Variants in TMEM245 observed in about 807,000 individuals in gnomAD.
The protein encoded by TMEM245 is protein CG-2.
A neutral mutation model predicts 101.2 loss-of-function variants in TMEM245; 69 were observed. The ratio of observed to expected loss-of-function variants is 0.68; its 90% confidence interval spans 0.56 to 0.83. The LOEUF (loss-of-function observed/expected upper bound fraction) is 0.83. Among genes scored for constraint, TMEM245 ranks in the 40% least tolerant of loss-of-function variants. The pLI is 0.00. For missense variants in TMEM245, 1,075 were observed against 1,092.8 expected, an observed-to-expected ratio of 0.98 and a Z score of 0.23; for synonymous variants, 537 against 449.8, an observed-to-expected ratio of 1.19 and a Z score of -2.45.
At chr9:109,107,098 T>C (rs1365088235) in intron 2 of TMEM245, among the ~76,000 whole-genome samples, 1 of 151,918 alleles carries the variant, frequency 6.6e-6, no homozygotes, top group Admixed American at 6.6e-5. Context: ...CAAAAATGTT[T>C]ACAAGTTGGC....
chr9:109,021,823 A>G (rs1827634785), intron 17 of TMEM245, among the ~76,000 whole-genome samples: 1 of 152,124 alleles, frequency 6.6e-6, no homozygotes, highest in African/African-American at 2.4e-5. Context: ...CCCCCCCAAA[A>G]AAAGCAAGGA....
chr9:109,066,417 T>C (rs2132459158), intron 9 of TMEM245, among the ~76,000 whole-genome samples: 1 of 116,598 alleles, frequency 8.6e-6, no homozygotes, highest in Non-Finnish European at 1.6e-5. Flanking sequence ...ATCATACCAC[T>C]ACCCTCCAGC....
chr9:109,111,379 T>C (rs1056779076), intron 1 of TMEM245, among the ~76,000 whole-genome samples: 1 of 152,194 alleles, frequency 6.6e-6, no homozygotes, highest in East Asian at 1.9e-4. Flanking sequence ...ATTTATACAG[T>C]ACCTCCAAGA....
rs191422996 is a variant in TMEM245, at chr9:109,071,174, C to T, written c.1532+2182G>A. Among the ~76,000 whole-genome samples, 10 of 152,222 alleles carry T rather than the reference C, an allele frequency of 6.6e-5. No individual in the cohort carries two copies. The East Asian group carries it at 7.8e-4, about 12-fold the overall frequency. On this transcript the variant is annotated intron_variant, in intron 9 of 17. Coordinates refer to ENST00000374586, the MANE Select transcript of TMEM245 (RefSeq NM_032012.4). ...GGGATTACAGGCGTGAGCCACCCAC[C>T]GCACCTGGCCAACATACTTATTTTG...
intron 7 of TMEM245, among the ~76,000 whole-genome samples, chr9:109,082,219 C>G (rs908036055): frequency 6.6e-6 from 1 of 152,088 alleles, no homozygotes; most frequent in African/African-American, 2.4e-5. Context: ...ACTAAGAGAT[C>G]AATGCTAAAG....
At chr9:109,020,556 C>T (rs1446686650) in intron 17 of TMEM245, 51 bp from the exon 18 acceptor site, 5 of 1,528,600 alleles carry the variant, frequency 3.3e-6, no homozygotes, top group Non-Finnish European at 4.5e-6. Flanking sequence ...AAACAGTATC[C>T]TATTTTTACA....
In TMEM245 at chr9:109,018,266, T is replaced by A. The variant is rs1208663207; in HGVS notation, c.*2194A>T. 2.0e-5 allele frequency: 3 copies of A among 152,226 alleles called. No homozygotes were observed. In the East Asian group the frequency reaches 5.8e-4, roughly 29 times the overall value. 9.4% of individuals were successfully genotyped at this position (152,226 alleles called of 1,614,324 possible). A position where few individuals can be genotyped will look rare whatever the true frequency, so the allele number is the denominator to read the frequency against. On this transcript the variant is annotated 3_prime_UTR_variant, in exon 18 of 18. Coordinates refer to ENST00000374586, the MANE Select transcript of TMEM245 (RefSeq NM_032012.4). Reference sequence around the variant, plus strand: ...TATATAATTAACAAAAACAAATGATTTTTTAGCCTTTTAATGCAAAAAATT... The same window carrying A: ...TATATAATTAACAAAAACAAATGATATTTTAGCCTTTTAATGCAAAAAATT...
intron 5 of TMEM245, among the ~76,000 whole-genome samples, chr9:109,088,351 C>T (rs1482510159): frequency 6.6e-6 from 1 of 152,148 alleles, no homozygotes; most frequent in Non-Finnish European, 1.5e-5. Flanking sequence ...TGTAGAAAAG[C>T]TTTTAGGGGC....
At chr9:109,105,835 A>G (rs542755425) in intron 3 of TMEM245, among the ~76,000 whole-genome samples, 1 of 151,944 alleles carries the variant, frequency 6.6e-6, no homozygotes, top group African/African-American at 2.4e-5. Flanking sequence ...CAGTGGTGCG[A>G]TCTCGGCTCT....
chr9:109,050,395 T>C lies in TMEM245; in HGVS notation c.2011A>G (p.Ser671Gly). ...GGCTTGTAGTACTCATCACTGGAAC[T>C]TAATAGATAAAATAGTGTGGTCAGG... ...IFLTTLFYLL[S>G]SSDEYYKPVK... is the part of the protein sequence containing the mutation. Residue 671 changes from serine (S) to glycine (G), a missense_variant, in exon 14 of 18, where the codon AGT becomes GGT. Ser to Gly is a moderately conservative substitution (Grantham distance 56). This residue lies in a region of TMEM245 where 267 missense variants were observed against 351.3 expected (regional missense o/e 0.76). Coordinates refer to ENST00000374586, the MANE Select transcript of TMEM245 (RefSeq NM_032012.4). 6.2e-7 allele frequency: 1 copy of C among 1,614,118 alleles called. No homozygotes were observed. The highest frequency in any genetic ancestry group is 8.5e-7 in the Non-Finnish European group (1 of 1,180,028).
chr9:109,018,173 G>A lies in TMEM245; in HGVS notation c.*2287C>T, dbSNP rs1827503673. On this transcript the variant is annotated 3_prime_UTR_variant, in exon 18 of 18. Transcript: ENST00000374586. Reference sequence around the variant, plus strand: ...ATACAGCTAAAATCACTTTGTATATGTATAGTAACTCATTGTATATATTTG... The same window carrying A: ...ATACAGCTAAAATCACTTTGTATATATATAGTAACTCATTGTATATATTTG... 6.6e-6 allele frequency: 1 copy of A among 152,272 alleles called. No homozygotes were observed. Among genetic ancestry groups the A allele is most frequent in the South Asian group, 2.1e-4 (1 of 4,832 alleles). The allele number at this position is 152,272 out of a possible 1,614,324, so 9.4% of individuals were successfully genotyped here. A position where few individuals can be genotyped will look rare whatever the true frequency, so the allele number is the denominator to read the frequency against.
chr9:109,045,351 C>T (rs913136417), intron 14 of TMEM245, among the ~76,000 whole-genome samples: 6 of 152,184 alleles, frequency 3.9e-5, no homozygotes, highest in Non-Finnish European at 7.4e-5. Context: ...GGGGAACGGC[C>T]GAGCTGCTGA....
intron 17 of TMEM245, among the ~76,000 whole-genome samples, chr9:109,025,191 A>G (rs1490492094): frequency 6.6e-6 from 1 of 152,204 alleles, no homozygotes; most frequent in Non-Finnish European, 1.5e-5. Flanking sequence ...GGGTTAGTGT[A>G]AAGATCTGCA....
intron 6 of TMEM245, 74 bp downstream of exon 6, chr9:109,087,099 C>T: frequency 7.5e-7 from 1 of 1,334,642 alleles, no homozygotes; most frequent in Non-Finnish European, 1.0e-6. Flanking sequence ...ATATAAACAC[C>T]ATAGAATGGA....
intron 8 of TMEM245, among the ~76,000 whole-genome samples, chr9:109,076,212 G>C (rs968174472): frequency 1.3e-5 from 2 of 151,332 alleles, no homozygotes. Context: ...ATAAAAAAAT[G>C]ATGAGTTCAT....
chr9:109,119,453 G>A lies in TMEM245; in HGVS notation c.461C>T (p.Ala154Val). The change falls in exon 1 of 18, where the codon GCC (alanine) becomes GTC (valine). Residue 154 changes from alanine to valine, a missense_variant. Ala to Val is a moderately conservative substitution (Grantham distance 64, BLOSUM62 0). Around this residue, in one of 2 missense-constraint regions of TMEM245, gnomAD observed 808 missense variants for 741.5 expected, o/e 1.09. Transcript: ENST00000374586. ...GAGGCCGTACAGGAGCGGGCCGCCG[G>A]CGCCGAGCAGCAGGAGCAGGCGGCG... ...RRRRLLLLLG[A>V]GGPLLYGLYC... 1 of 1,501,902 alleles carries A rather than the reference G, an allele frequency of 6.7e-7. No homozygotes were observed. The highest frequency in any genetic ancestry group is 8.8e-7 in the Non-Finnish European group (1 of 1,133,560). The allele number at this position is 1,501,902 out of a possible 1,614,324, so 93.0% of individuals were successfully genotyped here. A position where few individuals can be genotyped will look rare whatever the true frequency, so the allele number is the denominator to read the frequency against.
intron 11 of TMEM245, 54 bp downstream of exon 11, chr9:109,060,300 C>T: frequency 3.9e-6 from 5 of 1,270,752 alleles, no homozygotes; most frequent in Non-Finnish European, 4.5e-6. Context: ...GTTGATGAGT[C>T]AATAAAAGGA....
At chr9:109,037,953 TG>T (rs1335192754) in intron 15 of TMEM245, 63 bp downstream of exon 15, 8 of 1,309,256 alleles carry the variant, frequency 6.1e-6, no homozygotes, top group Non-Finnish European at 8.4e-6. Flanking sequence ...ATTTCCTAGA[TG>T]TATGTAAAAT....
intron 4 of TMEM245, 34 bp downstream of exon 4, chr9:109,093,441 G>T: frequency 1.3e-6 from 2 of 1,559,782 alleles, no homozygotes; most frequent in Non-Finnish European, 8.8e-7. Flanking sequence ...TCATTTTCCA[G>T]AATAACCTTG....
Sources: allele counts gnomAD v4.1 joint callset (sites outside exome capture counted in the v4.1 genomes callset), GRCh38; gene constraint gnomAD v4.1.1; regional missense constraint gnomAD v4.1.1; transcripts MANE v1.5; gene names NCBI Gene and HGNC (gene_info 2026-07-23, HGNC 2026-07-21).